Variants in UBN2 observed in about 807,000 individuals in gnomAD.
The protein encoded by UBN2 is ubinuclein-2.
Under a neutral mutation model 120.2 loss-of-function variants are expected in UBN2, and 35 were observed. The ratio of observed to expected loss-of-function variants is 0.29; its 90% CI spans 0.22 to 0.39. UBN2 has a LOEUF of 0.39. UBN2 is among the 10% of genes least tolerant of loss of function. The pLI is 1.00. For synonymous variants in UBN2, 661 were observed against 648.7 expected, an observed-to-expected ratio of 1.02 and a Z score of -0.29; for missense variants, 1,693 against 1,663.2, an observed-to-expected ratio of 1.02 and a Z score of -0.31.
the UBN2 span, among the ~76,000 whole-genome samples, chr7:139,321,664 G>GA: frequency 6.9e-6 from 1 of 145,502 alleles, no homozygotes; most frequent in African/African-American, 2.5e-5. Context: ...AGCCTCTGGG[G>GA]GACAGCAGGT....
chr7:139,289,591 T>C (rs1267897478), intron 15 of UBN2, among the ~76,000 whole-genome samples: 7 of 151,916 alleles, frequency 4.6e-5, no homozygotes, highest in Non-Finnish European at 1.0e-4. Flanking sequence ...TTTGTATTTT[T>C]AGTAGAGACG....
At chr7:139,258,743 A>T in intron 4 of UBN2, 118 bp downstream of exon 4, 2 of 841,380 alleles carry the variant, frequency 2.4e-6, no homozygotes, top group Non-Finnish European at 3.3e-6. Flanking sequence ...CCATTGTGTC[A>T]TGAATATATA....
chr7:139,310,153 T>C (rs1167937233), downstream of UBN2, among the ~76,000 whole-genome samples: 1 of 152,034 alleles, frequency 6.6e-6, no homozygotes, highest in African/African-American at 2.4e-5. Flanking sequence ...GATCCTAACA[T>C]TGGATTTGGC....
At chr7:139,233,853 T>C (rs1372161216) in intron 1 of UBN2, among the ~76,000 whole-genome samples, 2 of 151,806 alleles carry the variant, frequency 1.3e-5, no homozygotes, top group East Asian at 3.9e-4. Flanking sequence ...TTTCATGCAA[T>C]AGGAGAAAGA....
chr7:139,320,154 T>C, the UBN2 span, among the ~76,000 whole-genome samples: 1 of 151,710 alleles, frequency 6.6e-6, no homozygotes, highest in African/African-American at 2.4e-5. Context: ...CATCTAATTA[T>C]CCATAATTTC....
At chr7:139,278,483 T>C (rs891378133) in intron 12 of UBN2, among the ~76,000 whole-genome samples, 6 of 152,134 alleles carry the variant, frequency 3.9e-5, no homozygotes, top group African/African-American at 1.2e-4. Context: ...CCAGCCTCCT[T>C]CTCCCTTTTT....
chr7:139,309,714 A>G (rs1405863683), downstream of UBN2, among the ~76,000 whole-genome samples: 1 of 152,208 alleles, frequency 6.6e-6, no homozygotes, highest in Non-Finnish European at 1.5e-5. Context: ...TCTACTAAAA[A>G]TACAAAATTA....
intron 11 of UBN2, 91 bp downstream of exon 11, chr7:139,274,165 T>C: frequency 9.2e-6 from 12 of 1,308,972 alleles, no homozygotes; most frequent in Non-Finnish European, 1.2e-5. Flanking sequence ...GTGACATTGA[T>C]TTTGCTAAGA....
chr7:139,328,718 G>T, the UBN2 span, among the ~76,000 whole-genome samples: 1 of 152,088 alleles, frequency 6.6e-6, no homozygotes, highest in South Asian at 2.1e-4. Flanking sequence ...AAATCAGATA[G>T]TCAGGTATGG....
At chr7:139,286,520 G>A (rs1164360325) in intron 15 of UBN2, among the ~76,000 whole-genome samples, 2 of 151,964 alleles carry the variant, frequency 1.3e-5, no homozygotes, top group African/African-American at 4.8e-5. Flanking sequence ...GTTCATTGAA[G>A]GCAAATTTAG....
At chr7:139,266,146 C>CT (rs1195670942) in intron 6 of UBN2, among the ~76,000 whole-genome samples, 187 bp from the exon 7 acceptor site, 5 of 141,938 alleles carry the variant, frequency 3.5e-5, no homozygotes, top group South Asian at 2.2e-4. Context: ...ATCCCAGCTA[C>CT]TTGGGAAGCT....
rs76303814 is a variant in UBN2, at chr7:139,246,479, T to C, written c.562-5477T>C. Among the ~76,000 whole-genome samples, 1,464 of 152,306 alleles carry C rather than the reference T, an allele frequency of 9.6e-3. 29 individuals carry two copies. Among genetic ancestry groups the C allele is most frequent in the African/African-American group, 0.034 (1,410 of 41,558 alleles). On this transcript the variant is annotated intron_variant, in intron 2 of 17. Coordinates refer to ENST00000473989, the MANE Select transcript of UBN2 (RefSeq NM_173569.4). ...TAGAATGGAAAGGAAGCTGTAGATA[T>C]GGTTAATCATGGCAACAAAGATTTA... is the stretch of plus-strand genomic sequence containing the variant.
the UBN2 span, among the ~76,000 whole-genome samples, chr7:139,326,933 G>A: frequency 6.6e-6 from 1 of 152,244 alleles, no homozygotes; most frequent in Non-Finnish European, 1.5e-5. Flanking sequence ...GTTGTTGGCT[G>A]TGTCACTCCC....
At chr7:139,323,594 TA>T in the UBN2 span, among the ~76,000 whole-genome samples, 2,332 of 141,190 alleles carry the variant, frequency 0.017, 70 homozygotes, top group African/African-American at 0.062. Flanking sequence ...TTATTATTAT[TA>T]TTATTATTTT....
At chr7:139,323,592 A>ATTATT in the UBN2 span, among the ~76,000 whole-genome samples, 6 of 120,658 alleles carry the variant, frequency 5.0e-5, no homozygotes, top group South Asian at 7.2e-4. Context: ...TATTATTATT[A>ATTATT]TTATTATTAT....
chr7:139,284,313 C>A lies in UBN2; in HGVS notation c.3408C>A (p.Gly1136=). ...TATTGCCCTCTAGTCGCACTTCAGGCCTTCCACCTACAAAAAATCTTCAGG... is the reference window on the plus strand; with the variant it reads ...TATTGCCCTCTAGTCGCACTTCAGGACTTCCACCTACAAAAAATCTTCAGG... ...LNLLPSSRTS[G]LPPTKNLQAP... Residue 1136 remains glycine (G), a synonymous_variant, in exon 15 of 18, where the codon GGC becomes GGA. Coordinates refer to ENST00000473989, the MANE Select transcript of UBN2 (RefSeq NM_173569.4). The A allele has an allele frequency of 6.2e-7, 1 of 1,614,170 alleles. No homozygotes were observed.
Position 139,302,391 on chromosome 7 carries a change from A to G in UBN2, c.*4555A>G, listed in dbSNP as rs1798279244. 6.6e-6 allele frequency: 1 copy of G among 152,234 alleles called. No homozygotes were observed. Among genetic ancestry groups the G allele is most frequent in the African/African-American group, 2.4e-5 (1 of 41,458 alleles). 9.4% of individuals were successfully genotyped at this position (152,234 alleles called of 1,614,324 possible). A position where few individuals can be genotyped will look rare whatever the true frequency, so the allele number is the denominator to read the frequency against. ...AGTTGATTAAAGTGGGTGGATTAGAAAAGTATCTTTTCGGCCGGGTGCGGT... is the reference window on the plus strand; with the variant it reads ...AGTTGATTAAAGTGGGTGGATTAGAGAAGTATCTTTTCGGCCGGGTGCGGT... On this transcript the variant is annotated 3_prime_UTR_variant, in exon 18 of 18. Coordinates refer to ENST00000473989, the MANE Select transcript of UBN2 (RefSeq NM_173569.4).
chr7:139,235,217 C>CA (rs1169628652), intron 1 of UBN2, among the ~76,000 whole-genome samples: 1 of 152,052 alleles, frequency 6.6e-6, no homozygotes, highest in Non-Finnish European at 1.5e-5. Flanking sequence ...ATTTGGGCTT[C>CA]ACAGTGCAAG....
chr7:139,293,768 G>A, intron 16 of UBN2, 121 bp from the exon 17 acceptor site: 2 of 895,654 alleles, frequency 2.2e-6, no homozygotes, highest in East Asian at 5.2e-5. Context: ...ACGTGCTCTA[G>A]TTTTAGAAGG....
Sources: allele counts gnomAD v4.1 joint callset (sites outside exome capture counted in the v4.1 genomes callset), GRCh38; gene constraint gnomAD v4.1.1; transcripts MANE v1.5; gene names NCBI Gene and HGNC (gene_info 2026-07-23, HGNC 2026-07-21).